Variants in SDCCAG8 observed in about 807,000 individuals in gnomAD.
SDCCAG8 encodes serologically defined colon cancer antigen 8.
A neutral mutation model predicts 101.8 loss-of-function variants in SDCCAG8; 74 were observed. The observed-to-expected ratio is 0.73, with a 90% CI of 0.60 to 0.88. The LOEUF is 0.88. SDCCAG8 is among the 40% of genes least tolerant of loss of function. The probability of loss-of-function intolerance (pLI) is 0.00; values close to 1 mark genes in which losing one functional copy is unlikely to be tolerated. For missense variants in SDCCAG8, 787 were observed against 822.6 expected (o/e 0.96, Z 0.53); for synonymous variants, 281 against 292.9 (o/e 0.96, Z 0.41).
intron 16 of SDCCAG8, among the ~76,000 whole-genome samples, chr1:243,442,307 C>T (rs1051672232): frequency 3.3e-5 from 5 of 152,064 alleles, no homozygotes; most frequent in Non-Finnish European, 7.4e-5. Context: ...ATGTTGCAAC[C>T]GTCTGGGTAG....
At chr1:243,276,236 G>T (rs2068562337) in intron 4 of SDCCAG8, among the ~76,000 whole-genome samples, 1 of 152,170 alleles carries the variant, frequency 6.6e-6, no homozygotes, top group African/African-American at 2.4e-5. Flanking sequence ...AATGGCAACA[G>T]TGAAACACAG....
At chr1:243,278,143 T>G (rs1425404374) in intron 4 of SDCCAG8, among the ~76,000 whole-genome samples, 1 of 152,212 alleles carries the variant, frequency 6.6e-6, no homozygotes, top group African/African-American at 2.4e-5. Flanking sequence ...TCTATTTACT[T>G]AGATCTTCTT....
chr1:243,258,532 G>T (rs2066939771), intron 1 of SDCCAG8, among the ~76,000 whole-genome samples: 1 of 152,120 alleles, frequency 6.6e-6, no homozygotes, highest in African/African-American at 2.4e-5. Flanking sequence ...AGCCTCCCAA[G>T]TAGCTGGGAT....
At chr1:243,483,165 C>T (rs1664091592) in intron 16 of SDCCAG8, among the ~76,000 whole-genome samples, 1 of 152,154 alleles carries the variant, frequency 6.6e-6, no homozygotes, top group South Asian at 2.1e-4. Flanking sequence ...GTGAAGGTCG[C>T]AGGTGGAGGG....
chr1:243,453,562 A>C (rs2148134595), intron 16 of SDCCAG8, among the ~76,000 whole-genome samples: 1 of 152,298 alleles, frequency 6.6e-6, no homozygotes, highest in East Asian at 1.9e-4. Context: ...GCCTCTGTAC[A>C]TTTCTGATAC....
chr1:243,259,990 A>G (rs967016423), intron 1 of SDCCAG8, among the ~76,000 whole-genome samples: 1 of 152,142 alleles, frequency 6.6e-6, no homozygotes, highest in Admixed American at 6.5e-5. Context: ...GACCTTGATG[A>G]TCTTGGAGCA....
chr1:243,374,935 A>T (rs894556777), intron 12 of SDCCAG8, among the ~76,000 whole-genome samples: 15 of 152,166 alleles, frequency 9.9e-5, no homozygotes, highest in Non-Finnish European at 2.1e-4. Context: ...ATTTGGGGGA[A>T]AATGTCAGTT....
intron 10 of SDCCAG8, 101 bp from the exon 11 acceptor site, chr1:243,340,938 A>G (rs747843185): frequency 3.6e-4 from 440 of 1,209,726 alleles, no homozygotes; most frequent in Non-Finnish European, 5.0e-4. Flanking sequence ...AATGGCTCAC[A>G]GAGCCCAGTG....
intron 16 of SDCCAG8, among the ~76,000 whole-genome samples, chr1:243,460,164 C>A (rs1658777688): frequency 6.6e-6 from 1 of 152,090 alleles, no homozygotes; most frequent in Non-Finnish European, 1.5e-5. Context: ...TGTAAAGAAT[C>A]TATTTATTAG....
At chr1:243,271,141 G>GA (rs2068050240) in intron 3 of SDCCAG8, 78 bp downstream of exon 3, 4 of 1,036,022 alleles carry the variant, frequency 3.9e-6, no homozygotes, top group East Asian at 4.8e-5. Context: ...ACATGTTGCA[G>GA]AAAAAATTTA....
At chr1:243,313,526 A>T (rs979383833) in intron 8 of SDCCAG8, among the ~76,000 whole-genome samples, 2 of 152,216 alleles carry the variant, frequency 1.3e-5, no homozygotes, top group African/African-American at 2.4e-5. Context: ...TCTTTACGTC[A>T]TCTTTCTGCC....
Position 243,316,818 on chromosome 1 carries a change from A to C in SDCCAG8, c.993A>C (p.Gln331His), listed in dbSNP as rs771368318. Residue 331 changes from glutamine (Q) to histidine (H), a missense_variant, in exon 9 of 18, where the codon CAA becomes CAC. By Grantham distance (24) the Gln-to-His change is conservative. Transcript: ENST00000366541. ...GGAGCAGCTTGGCAGATACGCAGCA[A>C]AGAGAAGCAAGTGCTTATGAACAGG... ...SVRSSLADTQ[Q>H]REASAYEQVK... is the part of the protein sequence containing the mutation. The C allele has an allele frequency of 6.2e-7, 1 of 1,614,242 alleles. No homozygotes were observed. Among genetic ancestry groups the C allele is most frequent in the Non-Finnish European group, 8.5e-7 (1 of 1,180,036 alleles).
intron 17 of SDCCAG8, among the ~76,000 whole-genome samples, chr1:243,492,919 A>G (rs2148290856): frequency 6.6e-6 from 1 of 152,010 alleles, no homozygotes. Flanking sequence ...GCTTGTTCTT[A>G]GTTTAGGGTG....
intron 6 of SDCCAG8, among the ~76,000 whole-genome samples, chr1:243,300,672 C>G (rs1467592775): frequency 2.0e-5 from 3 of 152,156 alleles, no homozygotes; most frequent in African/African-American, 7.2e-5. Flanking sequence ...TTTGGACAAC[C>G]TCTGTGCCTT....
intron 7 of SDCCAG8, among the ~76,000 whole-genome samples, chr1:243,306,980 A>G (rs1182577659): frequency 2.0e-5 from 3 of 152,004 alleles, no homozygotes; most frequent in Non-Finnish European, 2.9e-5. Flanking sequence ...GACTTTGACA[A>G]TGACAACAGA....
At chr1:243,418,896 A>G (rs1243662513) in intron 15 of SDCCAG8, among the ~76,000 whole-genome samples, 3 of 152,220 alleles carry the variant, frequency 2.0e-5, no homozygotes, top group African/African-American at 7.2e-5. Flanking sequence ...TGATAACTCA[A>G]TGAAAAAATT....
At chr1:243,258,780 G>C (rs1161080998) in intron 1 of SDCCAG8, among the ~76,000 whole-genome samples, 1 of 152,160 alleles carries the variant, frequency 6.6e-6, no homozygotes, top group East Asian at 1.9e-4. Flanking sequence ...CTTATTTTGA[G>C]TGTGCCTAAT....
chr1:243,468,303 C>T (rs892712425), intron 16 of SDCCAG8, among the ~76,000 whole-genome samples: 2 of 151,836 alleles, frequency 1.3e-5, no homozygotes, highest in Non-Finnish European at 2.9e-5. Context: ...CTGCAACCTC[C>T]GCCTCCCGGG....
At chr1:243,434,806 G>A (rs1237513570) in intron 16 of SDCCAG8, among the ~76,000 whole-genome samples, 6 of 152,140 alleles carry the variant, frequency 3.9e-5, no homozygotes, top group Non-Finnish European at 7.4e-5. Flanking sequence ...GCCACTCTGT[G>A]GGAGTTAGAA....
Sources: allele counts gnomAD v4.1 joint callset (sites outside exome capture counted in the v4.1 genomes callset), GRCh38; gene constraint gnomAD v4.1.1; transcripts MANE v1.5; gene names NCBI Gene and HGNC (gene_info 2026-07-23, HGNC 2026-07-21).